Variants in HELZ2 observed in about 807,000 individuals in gnomAD.
HELZ2 encodes the protein helicase with zinc finger 2.
HELZ2 carries 143 observed loss-of-function variants against 208.8 expected under a neutral mutation model. The observed-to-expected ratio is 0.68, with a 90% CI of 0.60 to 0.79. HELZ2 has a LOEUF of 0.79. Among genes scored for constraint, HELZ2 ranks in the 30% least tolerant of loss-of-function variants. The pLI is 0.00. For missense variants in HELZ2, 3,690 were observed against 3,794.5 expected (o/e 0.97, Z 0.72); for synonymous variants, 1,705 against 1,693.7 (o/e 1.01, Z -0.16).
At position 63,568,551 on chromosome 20, in the gene HELZ2, G is replaced by A. The variant is rs549783053; in HGVS notation, c.1537C>T (p.Arg513Trp). The A allele has an allele frequency of 2.7e-5, 43 of 1,584,096 alleles. No homozygotes were observed. The highest frequency in any genetic ancestry group is 5.5e-5 in the Admixed American group (3 of 54,576). The change falls in exon 5 of 19, where the codon CGG becomes TGG. Residue 513 changes from arginine (R) to tryptophan (W), a missense_variant. This residue lies in a region of HELZ2 where 1,119 missense variants were observed against 1,193.4 expected (regional missense o/e 0.94). Transcript: ENST00000467148. ...AGCTCCTGCTTGCGGTTGCCACGCC[G>A]CAAGGGTGGGACAGACCAAGGTCTG...
In HELZ2 at chr20:63,564,599, G is replaced by A. The variant is rs370784417; in HGVS notation, c.4223C>T (p.Pro1408Leu). Residue 1408 changes from proline (P) to leucine (L), a missense_variant, in exon 8 of 19, where the codon CCG becomes CTG. Pro to Leu is a moderately conservative substitution (Grantham distance 98). Coordinates refer to ENST00000467148, the Ensembl canonical transcript of HELZ2. ...GAGGACGTCCTGGCAGAGGCTGGCC[G>A]GCAGCATGGGCACTGGCTCCCTGCC... 1.1e-4 allele frequency: 171 copies of A among 1,566,334 alleles called. No individual in the cohort carries two copies. The South Asian group carries it at 1.5e-3, about 13-fold the overall frequency.
chr20:63,572,480 G>A (rs984203806), upstream of HELZ2: 4 of 1,322,124 alleles, frequency 3.0e-6, no homozygotes, highest in Non-Finnish European at 4.0e-6. Flanking sequence ...AGGCTGGCCG[G>A]CCCGGGGCCG....
chr20:63,572,208 C>G (rs375939390), exon 1 of HELZ2: 5 of 1,604,988 alleles, frequency 3.1e-6, no homozygotes, highest in Non-Finnish European at 3.4e-6. Context: ...TCCGAGGATG[C>G]GCAGTGGTTC....
rs1392640550 is a variant in HELZ2, at chr20:63,563,268, C to T, written c.5554G>A (p.Glu1852Lys). 6 of 1,555,250 alleles carry T rather than the reference C, an allele frequency of 3.9e-6. No homozygotes were observed. In the African/African-American group the frequency reaches 4.1e-5, roughly 11 times the overall value. The stretch of plus-strand genomic sequence containing the variant: ...ACCAGCTCCCGCCGCTGGGACGCCT[C>T]GCCCTTCTCCTGGATGAGAGCAGCC... The change falls in exon 8 of 19, where the codon GAG (glutamate) becomes AAG (lysine). Residue 1852 changes from glutamate to lysine, a missense_variant. Glu to Lys is a moderately conservative substitution (Grantham distance 56, BLOSUM62 1). This residue lies in a region of HELZ2 where 2,564 missense variants were observed against 2,580.5 expected (regional missense o/e 0.99). Transcript: ENST00000467148.
chr20:63,573,985 G>A (rs1284362361), upstream of HELZ2, among the ~76,000 whole-genome samples: 1 of 152,104 alleles, frequency 6.6e-6, no homozygotes, highest in Non-Finnish European at 1.5e-5. This position sits in a 1 kb window ranked among gnomAD's most constrained non-coding sequence, Gnocchi z 4.9. Context: ...GCTGCGGAGG[G>A]TGCTGGTCCT....
chr20:63,562,762 G>T (rs2082903276), exon 8 of HELZ2: 1 of 1,603,954 alleles, frequency 6.2e-7, no homozygotes, highest in South Asian at 1.1e-5. Flanking sequence ...GGCGTGGGCT[G>T]GCCGTGGGAG....
Position 63,559,354 on chromosome 20 carries a change from C to T in HELZ2, c.7842G>A (p.Leu2614=). The T allele has an allele frequency of 5.0e-6, 8 of 1,598,590 alleles. No homozygotes were observed. The South Asian group carries it at 7.8e-5, about 16-fold the overall frequency. The change falls in exon 19 of 19, where the codon CTG becomes CTA. Residue 2614 remains leucine, a synonymous_variant. Coordinates refer to ENST00000467148, the Ensembl canonical transcript of HELZ2. ...GGCTACGCCAGAGGGGGCAGCAGCG[C>T]AGAAGGAGGTGGTCTCCTGTGAGGG...
chr20:63,567,735 C>T, intron 5 of HELZ2, 108 bp from the exon 7 acceptor site: 2 of 1,479,890 alleles, frequency 1.4e-6, no homozygotes, highest in Non-Finnish European at 1.8e-6. Flanking sequence ...CAGCCCTTGT[C>T]TGGCTGTCAG....
chr20:63,570,647 A>ACGCCCCCCCCCC, intron 2 of HELZ2, 36 bp from the exon 4 acceptor site: 1 of 1,497,372 alleles, frequency 6.7e-7, no homozygotes, highest in Non-Finnish European at 9.2e-7. Flanking sequence ...AGAGGCCTGG[A>ACGCCCCCCCCCC]CCCCACCCCA....
At chr20:63,571,879 A>C (rs1306326425) in intron 1 of HELZ2, 7 of 307,622 alleles carry the variant, frequency 2.3e-5, no homozygotes, top group Admixed American at 5.7e-5. Context: ...GCCCTGCTCC[A>C]AGCTCCTGGG....
exon 19 of HELZ2, chr20:63,559,330 G>C: frequency 6.2e-7 from 1 of 1,602,766 alleles, no homozygotes. Context: ...AGTCCAGGAG[G>C]CTACGCCAGA....
chr20:63,570,513 G>A (rs1403215290), exon 3 of HELZ2: 3 of 1,612,966 alleles, frequency 1.9e-6, no homozygotes, highest in Non-Finnish European at 8.5e-7. Flanking sequence ...CCTCAGAGTG[G>A]ACGGCAAACG....
At chr20:63,568,909 T>G in exon 5 of HELZ2, 2 of 1,610,626 alleles carry the variant, frequency 1.2e-6, no homozygotes, top group African/African-American at 1.3e-5. Context: ...CGGGGACCTC[T>G]GCGTACAGTG....
intron 5 of HELZ2, 42 bp downstream of exon 6, chr20:63,568,316 C>T (rs375588762): frequency 2.9e-5 from 43 of 1,469,682 alleles, no homozygotes; most frequent in East Asian, 6.8e-5. Context: ...AGACTTGGGC[C>T]GGGCGTCAGG....
At position 63,572,099 on chromosome 20, in the gene HELZ2, T is replaced by C. The variant is rs771790280; in HGVS notation, c.278+9A>G. ...CCCTACTCCAAGCTCCTGCCTCGAGTATCCTTACTTTGGGCAGAGCTCGAA... is the reference window on the plus strand; with the variant it reads ...CCCTACTCCAAGCTCCTGCCTCGAGCATCCTTACTTTGGGCAGAGCTCGAA... On this transcript the variant is annotated intron_variant, in intron 1 of 18. Transcript: ENST00000467148. 4.4e-6 allele frequency: 7 copies of C among 1,602,036 alleles called. No individual in the cohort carries two copies. The highest frequency in any genetic ancestry group is 5.1e-6 in the Non-Finnish European group (6 of 1,174,106).
chr20:63,571,259 C>T (rs566368076), intron 1 of HELZ2: 2 of 279,658 alleles, frequency 7.2e-6, no homozygotes, highest in South Asian at 9.1e-5. Context: ...GGGCTCCTGC[C>T]CCGCTCCAAG....
Position 63,560,700 on chromosome 20 carries a change from G to T in HELZ2, c.7282-3C>A. 1.2e-6 allele frequency: 2 copies of T among 1,607,956 alleles called. No homozygotes were observed. Among genetic ancestry groups the T allele is most frequent in the Non-Finnish European group, 1.7e-6 (2 of 1,179,772 alleles). On this transcript the variant is annotated splice_region_variant and splice_polypyrimidine_tract_variant and intron_variant, in intron 15 of 18. Transcript: ENST00000467148. ...GGGAAGGCACAGATGCCCTCATGCT[G>T]CAGGCAAGGATGTGCGCTGGTCAGA...
At chr20:63,563,161 G>A (rs1357302960) in exon 8 of HELZ2, 40 of 1,592,342 alleles carry the variant, frequency 2.5e-5, no homozygotes, top group Non-Finnish European at 3.0e-5. Context: ...GGCTGGTGCC[G>A]AGCTGCACCT....
chr20:63,562,077 G>T (rs777807819), exon 10 of HELZ2: 8 of 1,609,096 alleles, frequency 5.0e-6, no homozygotes, highest in Non-Finnish European at 6.8e-6. Flanking sequence ...CCTACCTGGT[G>T]GGCCCTGAAT....
Sources: allele counts gnomAD v4.1 joint callset (sites outside exome capture counted in the v4.1 genomes callset), GRCh38; gene constraint gnomAD v4.1.1; regional missense constraint gnomAD v4.1.1; non-coding constraint Gnocchi (gnomAD v3.1); transcripts MANE v1.5; gene names NCBI Gene and HGNC (gene_info 2026-07-23, HGNC 2026-07-21).